Variants in CTNNA3 observed in about 807,000 individuals in gnomAD.
The protein encoded by CTNNA3 is catenin alpha-3.
In CTNNA3, 76 loss-of-function variants were observed where a neutral mutation model predicts 95.7. The observed-to-expected ratio is 0.79, with a 90% confidence interval of 0.66 to 0.96. CTNNA3 has a LOEUF of 0.96. Ranked by LOEUF, CTNNA3 falls within the 40% of genes least tolerant of loss-of-function variation. CTNNA3 has a pLI of 0.00. For synonymous variants in CTNNA3, 431 were observed against 374.4 expected, an observed-to-expected ratio of 1.15 and a Z score of -1.74; for missense variants, 1,191 against 1,089.8, an observed-to-expected ratio of 1.09 and a Z score of -1.31.
intron 9 of CTNNA3, among the ~76,000 whole-genome samples, chr10:66,729,679 T>C (rs1848891535): frequency 6.6e-6 from 1 of 152,102 alleles, no homozygotes; most frequent in Non-Finnish European, 1.5e-5. Flanking sequence ...AGACTACAAA[T>C]TGGATACAGT....
Position 66,899,678 on chromosome 10 carries a change from C to A in CTNNA3, c.1048-124154G>T, listed in dbSNP as rs933633218. ...CTGTGCTTTTCAATGGTCTTAGCAACCGGCAGACCAGGCGATTCCCTCCCA... is the reference window on the plus strand; with the variant it reads ...CTGTGCTTTTCAATGGTCTTAGCAAACGGCAGACCAGGCGATTCCCTCCCA... On this transcript the variant is annotated intron_variant, in intron 7 of 17. Coordinates refer to ENST00000433211, the MANE Select transcript of CTNNA3 (RefSeq NM_013266.4). Among the ~76,000 whole-genome samples the A allele has an allele frequency of 5.9e-5, 9 of 152,254 alleles. No homozygotes were observed. In the South Asian group the frequency reaches 6.2e-4, roughly 11 times the overall value.
intron 5 of CTNNA3, among the ~76,000 whole-genome samples, chr10:67,481,357 A>G (rs986396698): frequency 2.0e-5 from 3 of 152,208 alleles, no homozygotes; most frequent in Non-Finnish European, 4.4e-5. Context: ...CACTGACAAT[A>G]TGATTCTGTA....
chr10:67,673,799 ACGT>A (rs1385877287), intron 1 of CTNNA3, among the ~76,000 whole-genome samples: 2 of 133,326 alleles, frequency 1.5e-5, no homozygotes, highest in African/African-American at 5.5e-5. Flanking sequence ...TTAATAACGG[ACGT>A]CCGTTATTAA....
intron 6 of CTNNA3, among the ~76,000 whole-genome samples, chr10:67,216,651 T>C: frequency 6.6e-6 from 1 of 152,206 alleles, no homozygotes; most frequent in Non-Finnish European, 1.5e-5. Context: ...GTAAAAAAGT[T>C]AAAAAAAGTG....
intron 11 of CTNNA3, among the ~76,000 whole-genome samples, chr10:66,406,993 T>A (rs576576919): frequency 6.6e-6 from 1 of 152,300 alleles, no homozygotes; most frequent in African/African-American, 2.4e-5. Context: ...ATAGAACTAA[T>A]TAATTTACCC....
intron 12 of CTNNA3, among the ~76,000 whole-genome samples, chr10:66,294,062 A>G (rs1423249762): frequency 6.6e-6 from 1 of 152,168 alleles, no homozygotes; most frequent in Non-Finnish European, 1.5e-5. Flanking sequence ...TCAAGTAACC[A>G]TCATGCTAAT....
chr10:66,372,678 G>C (rs539119978), intron 12 of CTNNA3, among the ~76,000 whole-genome samples: 2 of 152,300 alleles, frequency 1.3e-5, no homozygotes, highest in East Asian at 3.9e-4. Flanking sequence ...TTTATTCATA[G>C]TTCCACATGG....
intron 2 of CTNNA3, among the ~76,000 whole-genome samples, chr10:67,640,546 A>G (rs535812063): frequency 6.6e-6 from 1 of 152,160 alleles, no homozygotes; most frequent in African/African-American, 2.4e-5. Context: ...TGCATTGCCA[A>G]GTCAATCCTA....
rs1297920451 is a variant in CTNNA3 at position 67,534,849 on chromosome 10, G to A, written c.459+4654C>T. ...CCAAGGAATTTGCAGAAATTTGGGG[G>A]AGAACATTATACTTGATAGGACACA... On this transcript the variant is annotated intron_variant, in intron 4 of 17. Coordinates refer to ENST00000433211, the MANE Select transcript of CTNNA3 (RefSeq NM_013266.4). 2.6e-5 allele frequency among the ~76,000 whole-genome samples: 4 copies of A among 152,222 alleles called. No homozygotes were observed. In the East Asian group the frequency reaches 5.8e-4, roughly 22 times the overall value.
intron 7 of CTNNA3, among the ~76,000 whole-genome samples, chr10:66,982,979 G>A (rs989343312): frequency 6.6e-6 from 1 of 152,126 alleles, no homozygotes; most frequent in Non-Finnish European, 1.5e-5. Flanking sequence ...AGGCGCCCTC[G>A]GCTCAGGCAG....
At chr10:67,558,114 T>C (rs1172772464) in intron 3 of CTNNA3, among the ~76,000 whole-genome samples, 3 of 152,334 alleles carry the variant, frequency 2.0e-5, no homozygotes, top group Non-Finnish European at 4.4e-5. Flanking sequence ...ACTCTCATAC[T>C]GCTTACCTCA....
Position 66,511,893 on chromosome 10 carries a change from G to C in CTNNA3, c.1531+8724C>G, listed in dbSNP as rs1840675245. Among the ~76,000 whole-genome samples the C allele has an allele frequency of 2.0e-5, 3 of 151,904 alleles. No individual in the cohort carries two copies. In the South Asian group the frequency reaches 6.2e-4, roughly 31 times the overall value. On this transcript the variant is annotated intron_variant, in intron 11 of 17. Transcript: ENST00000433211. ...TTAGGTTCATTTGGTATAAAATGAA[G>C]CTTAAGTACAATGTTTCTTTGTTGA...
intron 9 of CTNNA3, among the ~76,000 whole-genome samples, chr10:66,643,022 T>TATAG (rs1164868816): frequency 6.6e-6 from 1 of 152,186 alleles, no homozygotes; most frequent in Non-Finnish European, 1.5e-5. Flanking sequence ...GATACACATA[T>TATAG]ATAGATAGAT....
chr10:66,205,669 A>C lies in CTNNA3; in HGVS notation c.1884+74801T>G, dbSNP rs117623084. ...AATTTCCATTTATAAACACATTTGAAATAAAACTTTAAAATTTGGTAAATG... is the reference window on the plus strand; with the variant it reads ...AATTTCCATTTATAAACACATTTGACATAAAACTTTAAAATTTGGTAAATG... On this transcript the variant is annotated intron_variant, in intron 13 of 17. Coordinates refer to ENST00000433211, the MANE Select transcript of CTNNA3 (RefSeq NM_013266.4). Among the ~76,000 whole-genome samples the C allele has an allele frequency of 6.7e-4, 102 of 152,110 alleles. 1 individual carries two copies. Among genetic ancestry groups the C allele is most frequent in the Admixed American group, 3.2e-3 (49 of 15,250 alleles).
At chr10:66,444,750 G>A (rs2093405458) in intron 11 of CTNNA3, among the ~76,000 whole-genome samples, 1 of 152,172 alleles carries the variant, frequency 6.6e-6, no homozygotes, top group Non-Finnish European at 1.5e-5. Context: ...TCAAGGCTAG[G>A]AAGAAACTGC....
intron 4 of CTNNA3, among the ~76,000 whole-genome samples, chr10:67,534,238 C>G (rs772202387): frequency 6.6e-6 from 1 of 151,996 alleles, no homozygotes; most frequent in African/African-American, 2.4e-5. Flanking sequence ...CCTCCTCCCA[C>G]CAAAAATCTA....
At chr10:66,948,228 G>C (rs2132709383) in intron 7 of CTNNA3, among the ~76,000 whole-genome samples, 1 of 152,290 alleles carries the variant, frequency 6.6e-6, no homozygotes, top group Non-Finnish European at 1.5e-5. Context: ...GGTGAACTGT[G>C]ATCAGACAGA....
chr10:66,514,477 T>C (rs1430395995), intron 11 of CTNNA3, among the ~76,000 whole-genome samples: 2 of 152,200 alleles, frequency 1.3e-5, no homozygotes, highest in African/African-American at 4.8e-5. Flanking sequence ...CAATGTGATA[T>C]TATAATCAGA....
intron 5 of CTNNA3, among the ~76,000 whole-genome samples, chr10:67,336,418 G>A (rs1841998386): frequency 6.6e-6 from 1 of 152,160 alleles, no homozygotes; most frequent in African/African-American, 2.4e-5. Context: ...AGCTCGCAGA[G>A]GTTGGTTTAT....
Sources: allele counts gnomAD v4.1 joint callset (sites outside exome capture counted in the v4.1 genomes callset), GRCh38; gene constraint gnomAD v4.1.1; transcripts MANE v1.5; gene names NCBI Gene and HGNC (gene_info 2026-07-23, HGNC 2026-07-21).